MTTP: variants seen among roughly 807,000 people sequenced by gnomAD.
The protein encoded by MTTP is microsomal triglyceride transfer protein, also known as microsomal triglyceride transfer protein large subunit.
MTTP carries 49 observed loss-of-function variants against 90.6 expected under a neutral mutation model. That is an observed-to-expected ratio of 0.54 (90% CI 0.43 to 0.69). The LOEUF is 0.69. MTTP is among the 30% of genes least tolerant of loss of function. The probability of loss-of-function intolerance (pLI) is 0.00; values close to 1 mark genes in which losing one functional copy is unlikely to be tolerated. For missense variants in MTTP, 945 were observed against 1,067.5 expected (o/e 0.89, Z 1.60); for synonymous variants, 347 against 384.2 (o/e 0.90, Z 1.13).
At chr4:99,609,441 T>A (rs542397306) in intron 12 of MTTP, among the ~76,000 whole-genome samples, 1 of 152,294 alleles carries the variant, frequency 6.6e-6, no homozygotes, top group East Asian at 1.9e-4. Context: ...GATTCAAAAT[T>A]TAAAGAGTGC....
At chr4:99,576,070 G>T (rs1031415634) in intron 1 of MTTP, among the ~76,000 whole-genome samples, 10 of 152,076 alleles carry the variant, frequency 6.6e-5, no homozygotes, top group Admixed American at 3.3e-4. Flanking sequence ...CACACTGTAG[G>T]TTCTTGAACT....
In MTTP at chr4:99,612,970, G is replaced by T; in HGVS notation, c.2047G>T (p.Glu683Ter). Reference protein sequence around the residue: ...ALIAATPDEGEENLDSYAGMS... With the variant: ...ALIAATPDEG ...AATCGCAGCCACCCCTGACGAGGGG[G>T]AGGAGAACCTTGACTCCTATGCTGG... The change falls in exon 15 of 18, where the codon GAG becomes TAG. Residue 683 changes from glutamate to a stop codon, truncating the protein, a stop_gained. Transcript: ENST00000265517. LOFTEE classifies it high-confidence loss of function. The T allele has an allele frequency of 6.2e-7, 1 of 1,614,036 alleles. No homozygotes were observed. Among genetic ancestry groups the T allele is most frequent in the Non-Finnish European group, 8.5e-7 (1 of 1,179,952 alleles).
At chr4:99,577,281 T>C (rs762044025) in intron 1 of MTTP, among the ~76,000 whole-genome samples, 29 of 152,022 alleles carry the variant, frequency 1.9e-4, no homozygotes, top group Non-Finnish European at 2.8e-4. Flanking sequence ...TCCTCAGATC[T>C]GGGTGGATGT....
rs755299742 is a variant in MTTP, at chr4:99,611,453, G to A, written c.1989G>A (p.Gln663=). ...GGAAGGCTGGTCTTCACGGTAGCCAGGTAACTCACTTCTCATGGATTTTGC... is the reference window on the plus strand; with the variant it reads ...GGAAGGCTGGTCTTCACGGTAGCCAAGTAACTCACTTCTCATGGATTTTGC... The part of the protein sequence containing the change: ...YIGKAGLHGS[Q]VVIEAQGLEA... Residue 663 remains glutamine, a splice_region_variant and synonymous_variant, in exon 14 of 18, where the codon CAG becomes CAA. Transcript: ENST00000265517. 10 of 1,614,020 alleles carry A rather than the reference G, an allele frequency of 6.2e-6. No homozygotes were observed. The highest frequency in any genetic ancestry group is 8.5e-6 in the Non-Finnish European group (10 of 1,179,924).
At chr4:99,615,384 A>G (rs528805215) in intron 15 of MTTP, among the ~76,000 whole-genome samples, 169 of 152,320 alleles carry the variant, frequency 1.1e-3, no homozygotes, top group African/African-American at 3.7e-3. Flanking sequence ...TCCCTGATCT[A>G]GATTATCTTG....
intron 1 of MTTP, among the ~76,000 whole-genome samples, chr4:99,579,769 G>A (rs1725058378): frequency 6.6e-6 from 1 of 152,058 alleles, no homozygotes; most frequent in African/African-American, 2.4e-5. Flanking sequence ...TGGGTGCGGT[G>A]GCTCACACCT....
rs1319574607 is a variant in MTTP, at chr4:99,600,794, GTAAT to G, written c.1236+65_1236+68del. 8.6e-6 allele frequency: 13 copies of G among 1,513,526 alleles called. No individual in the cohort carries two copies. The East Asian group carries it at 3.0e-4, about 35-fold the overall frequency. The allele number at this position is 1,513,526 out of a possible 1,614,324, so 93.8% of individuals were successfully genotyped here. A position where few individuals can be genotyped will look rare whatever the true frequency, so the allele number is the denominator to read the frequency against. On this transcript the variant is annotated intron_variant, in intron 9 of 17. Coordinates refer to ENST00000265517, the MANE Select transcript of MTTP (RefSeq NM_001386140.1). ...ATAAAACTTCTTAAGAATATTAACAGTAATTAAAAGTTTCTTAGATCTGAATGAA... is the reference window on the plus strand; with the variant it reads ...ATAAAACTTCTTAAGAATATTAACAGTAAAAGTTTCTTAGATCTGAATGAA...
At position 99,611,233 on chromosome 4, in the gene MTTP, C is replaced by T; in HGVS notation, c.1860C>T (p.Tyr620=). The T allele has an allele frequency of 1.9e-6, 3 of 1,613,912 alleles. No individual in the cohort carries two copies. The highest frequency in any genetic ancestry group is 1.7e-6 in the Non-Finnish European group (2 of 1,179,800). ...RSGSSSAYTG[Y]IERSPRSAST... is the part of the protein sequence containing the mutation. ...GATCTTCTTCTGCCTACACTGGCTA[C>T]ATAGAACGTATGTACACCAAAAAGA... The change falls in exon 13 of 18, where the codon TAC becomes TAT. Residue 620 remains tyrosine, a synonymous_variant. Coordinates refer to ENST00000265517, the MANE Select transcript of MTTP (RefSeq NM_001386140.1).
intron 14 of MTTP, among the ~76,000 whole-genome samples, chr4:99,612,455 C>T (rs1725982690): frequency 6.6e-6 from 1 of 150,868 alleles, no homozygotes; most frequent in Non-Finnish European, 1.5e-5. Flanking sequence ...CACATAGCAG[C>T]AGCCTTAGAA....
intron 16 of MTTP, 45 bp downstream of exon 16, chr4:99,619,143 A>G (rs1329016367): frequency 5.9e-6 from 9 of 1,534,232 alleles, no homozygotes; most frequent in Non-Finnish European, 8.1e-6. Context: ...ATATAAGACT[A>G]TATACAGAGA....
chr4:99,572,048 G>A (rs1724852973), upstream of MTTP, among the ~76,000 whole-genome samples: 1 of 151,524 alleles, frequency 6.6e-6, no homozygotes, highest in South Asian at 2.1e-4. Flanking sequence ...AAGTTCATTT[G>A]TCTTCTAATC....
chr4:99,594,925 C>G (rs768155138), intron 7 of MTTP, 42 bp downstream of exon 7: 1 of 1,607,854 alleles, frequency 6.2e-7, no homozygotes, highest in South Asian at 1.1e-5. Flanking sequence ...ACATCAGACT[C>G]TGTTTTCATT....
At chr4:99,602,817 T>G (rs1240676205) in intron 10 of MTTP, among the ~76,000 whole-genome samples, 1 of 152,144 alleles carries the variant, frequency 6.6e-6, no homozygotes, top group East Asian at 1.9e-4. Context: ...AAAAGATCTA[T>G]TCAGCAGTAT....
upstream of MTTP, among the ~76,000 whole-genome samples, chr4:99,569,923 T>C (rs989058228): frequency 2.6e-5 from 4 of 152,140 alleles, no homozygotes; most frequent in Middle Eastern, 3.4e-3. Flanking sequence ...TTCTGTTGAA[T>C]TGATACGCCA....
At chr4:99,564,264 T>C in intron 1 of MTTP, 1 of 1,532,564 alleles carries the variant, frequency 6.5e-7, no homozygotes, top group Non-Finnish European at 8.7e-7. Context: ...GGAATTAAGA[T>C]AGTCCCACTG....
At chr4:99,609,813 AAGTG>A (rs1383022682) in intron 12 of MTTP, among the ~76,000 whole-genome samples, 2 of 152,238 alleles carry the variant, frequency 1.3e-5, no homozygotes, top group Admixed American at 1.3e-4. Context: ...GCAATGGAGC[AAGTG>A]AGTGAGAAAA....
At position 99,584,980 on chromosome 4, in the gene MTTP, G is replaced by A. The variant is rs1725222946; in HGVS notation, c.393+1463G>A. ...GTCAAAGCGTTTATCACAGTGTATT[G>A]TCACTCTCCTTTTATGTCTTGGCTC... On this transcript the variant is annotated intron_variant, in intron 3 of 17. Transcript: ENST00000265517. 1.3e-5 allele frequency among the ~76,000 whole-genome samples: 2 copies of A among 152,012 alleles called. 1 individual carries two copies. Among genetic ancestry groups the A allele is most frequent in the South Asian group, 4.1e-4 (2 of 4,824 alleles).
chr4:99,601,849 G>T, intron 10 of MTTP, 135 bp downstream of exon 10: 2 of 710,824 alleles, frequency 2.8e-6, no homozygotes, highest in Non-Finnish European at 5.1e-6. Flanking sequence ...AGCAATTTTT[G>T]CCATCTAACA....
intron 8 of MTTP, 48 bp from the exon 9 acceptor site, chr4:99,600,517 A>C: frequency 7.1e-6 from 11 of 1,538,470 alleles, no homozygotes; most frequent in Non-Finnish European, 9.9e-6. Flanking sequence ...ATTTTTAAGT[A>C]TTCCTTCCCC....
Sources: gnomAD v4.1 joint callset for allele counts (sites outside exome capture counted in the v4.1 genomes callset) on GRCh38, gnomAD v4.1.1 for gene constraint, MANE v1.5 for transcripts, NCBI Gene and HGNC (gene_info 2026-07-23, HGNC 2026-07-21) for gene names.